The following ZFPM2 variants were observed in gnomAD, a reference collection of about 807,000 sequenced individuals.
ZFPM2 encodes the protein zinc finger protein, FOG family member 2.
A neutral mutation model predicts 98.6 loss-of-function variants in ZFPM2; 20 were observed. The ratio of observed to expected loss-of-function variants is 0.20; its 90% confidence interval spans 0.14 to 0.29. ZFPM2 has a LOEUF of 0.29. Ranked by LOEUF, ZFPM2 falls within the 10% of genes least tolerant of loss-of-function variation. The pLI, the probability that ZFPM2 is intolerant of heterozygous loss-of-function variation, is 1.00. For synonymous variants in ZFPM2, 518 were observed against 502.7 expected (o/e 1.03, Z -0.41); for missense variants, 1,310 against 1,388.6 (o/e 0.94, Z 0.90).
At chr8:105,420,388 A>C (rs1411863237) in intron 2 of ZFPM2, among the ~76,000 whole-genome samples, 1 of 152,114 alleles carries the variant, frequency 6.6e-6, no homozygotes, top group East Asian at 1.9e-4. Flanking sequence ...GGTGTCAACA[A>C]AAAAAGTCAG....
chr8:105,685,573 CT>C (rs539599965), intron 5 of ZFPM2, among the ~76,000 whole-genome samples: 162 of 151,848 alleles, frequency 1.1e-3, no homozygotes, highest in Non-Finnish European at 2.0e-3. Context: ...ACAAATTTGA[CT>C]TTTTTTTCCC....
intron 5 of ZFPM2, among the ~76,000 whole-genome samples, chr8:105,730,253 T>TTC (rs1395365648): frequency 2.0e-5 from 3 of 151,742 alleles, no homozygotes; most frequent in Non-Finnish European, 4.4e-5. Context: ...GAAATAATAT[T>TTC]TCTCATGCAT....
rs199956937 is a variant in ZFPM2, at chr8:105,804,061, C to CTT, written c.*525_*526dup. On this transcript the variant is annotated 3_prime_UTR_variant, in exon 8 of 8. Transcript: ENST00000407775. ...CTTGGATAATCAGGCTCTGTTTGCA[C>CTT]TTTATATTTTAGCAGATACAGTCTC... The CTT allele has an allele frequency of 8.6e-3, 1,322 of 154,302 alleles. 5 individuals carry two copies. Among genetic ancestry groups the CTT allele is most frequent in the Admixed American group, 0.017 (269 of 15,560 alleles). 9.6% of individuals were successfully genotyped at this position (154,302 alleles called of 1,614,324 possible).
chr8:105,602,524 A>G (rs1816114394), intron 4 of ZFPM2, among the ~76,000 whole-genome samples: 1 of 152,122 alleles, frequency 6.6e-6, no homozygotes, highest in African/African-American at 2.4e-5. Flanking sequence ...GCCTAAGTGA[A>G]TTTCAAGATT....
At chr8:105,548,230 G>A (rs1814758444) in intron 3 of ZFPM2, among the ~76,000 whole-genome samples, 1 of 151,954 alleles carries the variant, frequency 6.6e-6, no homozygotes, top group Non-Finnish European at 1.5e-5. Flanking sequence ...TAGTGCTGGA[G>A]GCGATAACTT....
At chr8:105,343,223 G>A (rs1298481573) in intron 1 of ZFPM2, among the ~76,000 whole-genome samples, 1 of 152,080 alleles carries the variant, frequency 6.6e-6, no homozygotes, top group Non-Finnish European at 1.5e-5. Flanking sequence ...AACTTCATAG[G>A]TGTTTTAGTT....
intron 5 of ZFPM2, among the ~76,000 whole-genome samples, chr8:105,766,778 C>T (rs147926934): frequency 1.1e-4 from 16 of 151,876 alleles, no homozygotes; most frequent in African/African-American, 3.9e-4. Context: ...AAGATGATTG[C>T]TAGACCTTTA....
intron 7 of ZFPM2, among the ~76,000 whole-genome samples, chr8:105,799,787 T>C (rs1813947424): frequency 1.3e-5 from 2 of 152,170 alleles, no homozygotes. Flanking sequence ...ATACAAACCT[T>C]GTAGGACACC....
intron 3 of ZFPM2, among the ~76,000 whole-genome samples, chr8:105,447,911 G>T (rs1812407889): frequency 6.6e-6 from 1 of 152,056 alleles, no homozygotes; most frequent in Non-Finnish European, 1.5e-5. Flanking sequence ...TCAACTAAAA[G>T]ATATGTTTTG....
At chr8:105,552,753 G>T (rs1814891023) in intron 3 of ZFPM2, among the ~76,000 whole-genome samples, 1 of 150,116 alleles carries the variant, frequency 6.7e-6, no homozygotes, top group Non-Finnish European at 1.5e-5. Context: ...AACTTATTTT[G>T]TATGCAGTGA....
intron 2 of ZFPM2, among the ~76,000 whole-genome samples, chr8:105,424,183 A>G (rs1461132207): frequency 3.9e-5 from 6 of 152,186 alleles, no homozygotes; most frequent in South Asian, 2.1e-4. Context: ...AAGAAACTAC[A>G]TGTAAGTCAA....
At chr8:105,721,436 C>T (rs191886316) in intron 5 of ZFPM2, among the ~76,000 whole-genome samples, 145 of 151,958 alleles carry the variant, frequency 9.5e-4, no homozygotes, top group Non-Finnish European at 1.7e-3. Flanking sequence ...TTTATAATTC[C>T]ACAAAAACAG....
At chr8:105,674,176 T>A (rs1197038119) in intron 5 of ZFPM2, among the ~76,000 whole-genome samples, 1 of 152,194 alleles carries the variant, frequency 6.6e-6, no homozygotes, top group Admixed American at 6.5e-5. Flanking sequence ...TTAATTATAA[T>A]TAGAATGCAG....
chr8:105,688,252 T>G (rs1267962851), intron 5 of ZFPM2, among the ~76,000 whole-genome samples: 1 of 152,106 alleles, frequency 6.6e-6, no homozygotes, highest in Admixed American at 6.5e-5. Flanking sequence ...TCTGATGATC[T>G]GTACAATGGG....
intron 7 of ZFPM2, among the ~76,000 whole-genome samples, chr8:105,799,612 T>A (rs1813939625): frequency 6.6e-6 from 1 of 152,256 alleles, no homozygotes; most frequent in African/African-American, 2.4e-5. Flanking sequence ...TTTGGAATTG[T>A]ATGCCAGCTA....
intron 1 of ZFPM2, among the ~76,000 whole-genome samples, chr8:105,332,257 A>T (rs1812247522): frequency 6.6e-6 from 1 of 151,606 alleles, no homozygotes; most frequent in Non-Finnish European, 1.5e-5. Flanking sequence ...TAACTTACGT[A>T]TTTGTTAGAT....
At chr8:105,577,615 C>G (rs533025528) in intron 4 of ZFPM2, among the ~76,000 whole-genome samples, 13 of 151,546 alleles carry the variant, frequency 8.6e-5, no homozygotes, top group African/African-American at 2.9e-4. Flanking sequence ...AACTGAATTG[C>G]AAAATTATCA....
At chr8:105,548,485 A>G (rs1448333422) in intron 3 of ZFPM2, among the ~76,000 whole-genome samples, 1 of 152,094 alleles carries the variant, frequency 6.6e-6, no homozygotes, top group Non-Finnish European at 1.5e-5. Context: ...TTTTTACAAC[A>G]AATTCCAGCA....
chr8:105,405,630 T>C (rs1811434912), intron 1 of ZFPM2, among the ~76,000 whole-genome samples: 1 of 152,058 alleles, frequency 6.6e-6, no homozygotes, highest in Non-Finnish European at 1.5e-5. Context: ...TATGGCTGCA[T>C]AGTATTCCAT....
Sources: allele counts gnomAD v4.1 joint callset (sites outside exome capture counted in the v4.1 genomes callset), GRCh38; gene constraint gnomAD v4.1.1; transcripts MANE v1.5; gene names NCBI Gene and HGNC (gene_info 2026-07-23, HGNC 2026-07-21).